Variants in DEFB107B observed in about 807,000 individuals in gnomAD.
The protein encoded by DEFB107B is defensin beta 107B, also known as beta-defensin 107.
At position 7,497,915 on chromosome 8, in the gene DEFB107B, C is replaced by T. The variant is rs1585541643; in HGVS notation, c.70+1912C>T. On this transcript the variant is annotated intron_variant, in intron 1 of 1. Transcript: ENST00000355602. ...CCCCTACCCACCTGTGGGTGTTTCT[C>T]GTAAGGTGGGACGAGAGATTTGGAA... Among the ~76,000 whole-genome samples the T allele has an allele frequency of 8.9e-5, 2 of 22,538 alleles. 1 individual carries two copies. The highest frequency in any genetic ancestry group is 1.1e-3 in the Admixed American group (2 of 1,768). The allele number at this position is 22,538 out of a possible 152,430, so 14.8% of individuals were successfully genotyped here.
At chr8:7,496,367 T>TC (rs1329735252) in intron 1 of DEFB107B, among the ~76,000 whole-genome samples, 14 of 78,672 alleles carry the variant, frequency 1.8e-4, no homozygotes. Flanking sequence ...TGGTGCGATC[T>TC]TGGCTCACTG....
intron 1 of DEFB107B, among the ~76,000 whole-genome samples, chr8:7,496,460 T>C (rs557220305): frequency 3.8e-4 from 57 of 151,722 alleles, no homozygotes; most frequent in South Asian, 2.3e-3. Context: ...CCACCACGCC[T>C]GGCTAATTTT....
In DEFB107B at chr8:7,507,492, A is replaced by G. The variant is rs568762055; in HGVS notation, c.71-1589A>G. On this transcript the variant is annotated intron_variant, in intron 1 of 1. Transcript: ENST00000355602. Reference sequence around the variant, plus strand: ...GAAGATGAATAAACTTGTTATATTAATTAGAAACTAACTTGTTATAATAAA... The same window carrying G: ...GAAGATGAATAAACTTGTTATATTAGTTAGAAACTAACTTGTTATAATAAA... Among the ~76,000 whole-genome samples, 100 of 83,604 alleles carry G rather than the reference A, an allele frequency of 1.2e-3. 1 individual carries two copies. The highest frequency in any genetic ancestry group is 1.9e-3 in the Non-Finnish European group (82 of 42,632). The allele number at this position is 83,604 out of a possible 152,430, so 54.8% of individuals were successfully genotyped here. A position where few individuals can be genotyped will look rare whatever the true frequency, so the allele number is the denominator to read the frequency against.
chr8:7,497,553 C>G (rs1205815296), intron 1 of DEFB107B, among the ~76,000 whole-genome samples: 1 of 152,136 alleles, frequency 6.6e-6, no homozygotes, highest in Non-Finnish European at 1.5e-5. Context: ...ATGAAAGTTT[C>G]AGTGACTCCA....
At chr8:7,497,498 A>C (rs1469161994) in intron 1 of DEFB107B, among the ~76,000 whole-genome samples, 1 of 151,984 alleles carries the variant, frequency 6.6e-6, no homozygotes, top group East Asian at 2.0e-4. Flanking sequence ...ATTTGGAAAT[A>C]GGCAAGACTA....
At chr8:7,496,143 A>AGTTT in intron 1 of DEFB107B, 140 bp downstream of exon 1, 1 of 72,238 alleles carries the variant, frequency 1.4e-5, no homozygotes, top group Non-Finnish European at 2.7e-5. Context: ...TCCGACACAA[A>AGTTT]ACAATGGGAC....
At chr8:7,496,796 T>A (rs1301584239) in intron 1 of DEFB107B, among the ~76,000 whole-genome samples, 1 of 118,624 alleles carries the variant, frequency 8.4e-6, no homozygotes, top group African/African-American at 3.4e-5. Flanking sequence ...CCAAATCTCT[T>A]ATCCATACAT....
At chr8:7,496,260 T>TC (rs1319036916) in intron 1 of DEFB107B, among the ~76,000 whole-genome samples, 3 of 125,780 alleles carry the variant, frequency 2.4e-5, no homozygotes, top group Non-Finnish European at 5.0e-5. Context: ...CTTTCCTCCT[T>TC]TGTAATCTGC....
chr8:7,507,717 G>A (rs1177112385), intron 1 of DEFB107B, among the ~76,000 whole-genome samples: 1 of 131,358 alleles, frequency 7.6e-6, no homozygotes, highest in African/African-American at 3.3e-5. Context: ...CTAACAGGCA[G>A]GGTTAGAAAG....
intron 1 of DEFB107B, among the ~76,000 whole-genome samples, chr8:7,496,267 C>G (rs1364900844): frequency 1.3e-4 from 16 of 120,576 alleles, no homozygotes; most frequent in African/African-American, 5.1e-4. Context: ...CCTTTGTAAT[C>G]TGCAACGCAG....
chr8:7,496,434 G>C, intron 1 of DEFB107B, among the ~76,000 whole-genome samples: 1 of 148,718 alleles, frequency 6.7e-6, no homozygotes, highest in South Asian at 2.1e-4. Context: ...CGAGTAGCTG[G>C]GACTACACGC....
Position 7,496,595 on chromosome 8 carries a change from T to C in DEFB107B, c.70+592T>C, listed in dbSNP as rs1366980384. Among the ~76,000 whole-genome samples, 335 of 144,776 alleles carry C rather than the reference T, an allele frequency of 2.3e-3. 1 individual carries two copies. Among genetic ancestry groups the C allele is most frequent in the African/African-American group, 7.8e-3 (304 of 39,078 alleles). 95.0% of individuals were successfully genotyped at this position (144,776 alleles called of 152,430 possible). A position where few individuals can be genotyped will look rare whatever the true frequency, so the allele number is the denominator to read the frequency against. On this transcript the variant is annotated intron_variant, in intron 1 of 1. Transcript: ENST00000355602. ...GATTACAGGCATGAGCCACCGCGCC[T>C]GGCCAGCATATTCTAAAGTGATTTC... is the stretch of plus-strand genomic sequence containing the variant.
intron 1 of DEFB107B, among the ~76,000 whole-genome samples, chr8:7,496,579 C>T (rs1563361376): frequency 6.7e-6 from 1 of 148,380 alleles, no homozygotes; most frequent in African/African-American, 2.5e-5. Flanking sequence ...GGATTACAGG[C>T]ATGAGCCACC....
chr8:7,508,294 A>G (rs1437385714), intron 1 of DEFB107B, among the ~76,000 whole-genome samples: 1 of 138,538 alleles, frequency 7.2e-6, no homozygotes, highest in Non-Finnish European at 1.5e-5. Context: ...ATTCCACATG[A>G]TAATATTTCA....
intron 1 of DEFB107B, among the ~76,000 whole-genome samples, chr8:7,496,466 A>T (rs1165963390): frequency 2.0e-5 from 3 of 151,786 alleles, no homozygotes; most frequent in African/African-American, 7.3e-5. Context: ...CGCCTGGCTA[A>T]TTTTTTTGTA....
chr8:7,497,483 T>C (rs1425949820), intron 1 of DEFB107B, among the ~76,000 whole-genome samples: 2 of 151,816 alleles, frequency 1.3e-5, no homozygotes, highest in Non-Finnish European at 2.9e-5. Context: ...GTATTTGTTT[T>C]GCACATTTGG....
At chr8:7,496,360 T>G (rs1447535909) in intron 1 of DEFB107B, among the ~76,000 whole-genome samples, 17 of 67,598 alleles carry the variant, frequency 2.5e-4, no homozygotes, top group Non-Finnish European at 2.8e-4. Context: ...AGTGCAGTGG[T>G]GCGATCTTGG....
intron 1 of DEFB107B, among the ~76,000 whole-genome samples, chr8:7,508,278 A>T (rs551949210): frequency 7.2e-6 from 1 of 139,424 alleles, no homozygotes; most frequent in South Asian, 2.2e-4. Context: ...GGCACTAACA[A>T]AATATATTCC....
intron 1 of DEFB107B, among the ~76,000 whole-genome samples, chr8:7,496,457 G>A (rs12675434): frequency 1.4e-5 from 2 of 147,834 alleles, no homozygotes; most frequent in African/African-American, 2.5e-5. Context: ...CCGCCACCAC[G>A]CCTGGCTAAT....
Sources: allele counts gnomAD v4.1 joint callset (sites outside exome capture counted in the v4.1 genomes callset), GRCh38; gene constraint gnomAD v4.1.1; transcripts MANE v1.5; gene names NCBI Gene and HGNC (gene_info 2026-07-23, HGNC 2026-07-21).